The following HMCN1 variants were observed in gnomAD, a reference collection of about 807,000 sequenced individuals.
HMCN1 encodes hemicentin 1.
HMCN1 carries 321 observed loss-of-function variants against 625.9 expected under a neutral mutation model. The observed-to-expected ratio is 0.51, with a 90% CI of 0.47 to 0.56. The LOEUF is 0.56. Among genes scored for constraint, HMCN1 ranks in the 20% least tolerant of loss-of-function variants. HMCN1 has a pLI of 0.00. For synonymous variants in HMCN1, 2,425 were observed against 2,417.6 expected (o/e 1.00, Z -0.09); for missense variants, 6,588 against 6,887.3 (o/e 0.96, Z 1.54).
intron 38 of HMCN1, 146 bp from the exon 39 acceptor site, chr1:186,039,582 A>ATT: frequency 1.0e-5 from 8 of 791,786 alleles, no homozygotes; most frequent in Non-Finnish European, 1.3e-5. Context: ...TAGATCTTAA[A>ATT]TAAGAGAGAT....
In HMCN1 at chr1:186,114,919, C is replaced by T. The variant is rs147547755; in HGVS notation, c.11377C>T (p.Arg3793Cys). The change falls in exon 74 of 107, where the codon CGC (arginine) becomes TGC (cysteine). Residue 3793 changes from arginine to cysteine, a missense_variant. This residue lies in a region of HMCN1 where 4,628 missense variants were observed against 4,853.1 expected (regional missense o/e 0.95). Coordinates refer to ENST00000271588, the MANE Select transcript of HMCN1 (RefSeq NM_031935.3). ...GGCCACCAATGCTGCTGGAACAGAT[C>T]GCAGGCGAATAGATTTACAGGTCCA... is the stretch of plus-strand genomic sequence containing the variant. ...CMATNAAGTD[R>C]RRIDLQVHVP... The T allele has an allele frequency of 2.2e-5, 35 of 1,614,132 alleles. No individual in the cohort carries two copies. Among genetic ancestry groups the T allele is most frequent in the Admixed American group, 1.8e-4 (11 of 60,020 alleles).
chr1:186,002,577 C>T (rs1653269918), intron 28 of HMCN1, among the ~76,000 whole-genome samples: 1 of 152,068 alleles, frequency 6.6e-6, no homozygotes, highest in African/African-American at 2.4e-5. Context: ...TCATTGTTAT[C>T]ATGAGTCTTG....
At chr1:185,908,396 C>T (rs1231361622) in intron 4 of HMCN1, among the ~76,000 whole-genome samples, 3 of 151,886 alleles carry the variant, frequency 2.0e-5, no homozygotes, top group Admixed American at 1.3e-4. Flanking sequence ...GTGTCTTATG[C>T]CTCATTACAA....
intron 11 of HMCN1, among the ~76,000 whole-genome samples, chr1:185,946,211 C>T (rs1024095855): frequency 6.6e-6 from 1 of 152,154 alleles, no homozygotes. Context: ...ATAAATTTAT[C>T]TATCAACATA....
At chr1:186,067,191 T>A (rs1658174436) in intron 49 of HMCN1, among the ~76,000 whole-genome samples, 1 of 152,160 alleles carries the variant, frequency 6.6e-6, no homozygotes, top group African/African-American at 2.4e-5. Context: ...CATAATCAAG[T>A]CCTGTCAGTA....
At chr1:186,094,964 G>A (rs1457409830) in intron 67 of HMCN1, among the ~76,000 whole-genome samples, 1 of 152,070 alleles carries the variant, frequency 6.6e-6, no homozygotes, top group Non-Finnish European at 1.5e-5. Flanking sequence ...CAAGTTAAAG[G>A]GATAGAGTGA....
intron 1 of HMCN1, among the ~76,000 whole-genome samples, chr1:185,739,295 T>C (rs1653813338): frequency 6.6e-6 from 1 of 152,224 alleles, no homozygotes; most frequent in African/African-American, 2.4e-5. Flanking sequence ...TGATTCCATG[T>C]CTTTGCTGGT....
intron 97 of HMCN1, among the ~76,000 whole-genome samples, chr1:186,163,388 G>A (rs59888646): frequency 0.012 from 1,884 of 152,034 alleles, 29 homozygotes; most frequent in African/African-American, 0.043. Context: ...ACCCTGCTTC[G>A]GCTCACGCAC....
At chr1:185,803,205 C>CAAAAAAAAAAAAAAAAAACA (rs1658927622) in intron 1 of HMCN1, among the ~76,000 whole-genome samples, 13 of 58,722 alleles carry the variant, frequency 2.2e-4, no homozygotes, top group East Asian at 1.3e-3. Flanking sequence ...AAAAAAAAAG[C>CAAAAAAAAAAAAAAAAAACA]AAAAAAAAAA....
chr1:185,952,593 G>C (rs1649282910), intron 11 of HMCN1, among the ~76,000 whole-genome samples: 1 of 151,728 alleles, frequency 6.6e-6, no homozygotes, highest in Non-Finnish European at 1.5e-5. Flanking sequence ...TTGTAGGATG[G>C]AAAAATTTTA....
In HMCN1 at chr1:186,087,464, A is replaced by G. The variant is rs748058327; in HGVS notation, c.9182A>G (p.His3061Arg). ...TCAGTGCCCCCAAGCATTAAAGACC[A>G]TGACAGTGAATCTCTTTCTGTAGTT... Reference protein sequence around the residue: ...TVYVPPSIKDHDSESLSVVNV... With the variant: ...TVYVPPSIKDRDSESLSVVNV... Residue 3061 changes from histidine to arginine, a missense_variant, in exon 60 of 107, where the codon CAT (histidine) becomes CGT (arginine). His to Arg is a conservative substitution (Grantham distance 29). This residue lies in a region of HMCN1 where 4,628 missense variants were observed against 4,853.1 expected (regional missense o/e 0.95). Transcript: ENST00000271588. 62 of 1,613,096 alleles carry G rather than the reference A, an allele frequency of 3.8e-5. No individual in the cohort carries two copies. The highest frequency in any genetic ancestry group is 1.8e-4 in the South Asian group (16 of 91,068).
At chr1:186,077,269 T>C (rs1194227079) in intron 54 of HMCN1, among the ~76,000 whole-genome samples, 1 of 152,152 alleles carries the variant, frequency 6.6e-6, no homozygotes, top group Non-Finnish European at 1.5e-5. Flanking sequence ...ATAGGGTAAC[T>C]CTGTCTAATA....
At chr1:185,736,025 GAC>G (rs1162780256) in intron 1 of HMCN1, among the ~76,000 whole-genome samples, 1 of 152,164 alleles carries the variant, frequency 6.6e-6, no homozygotes, top group Non-Finnish European at 1.5e-5. Flanking sequence ...AGAAGAACTT[GAC>G]ACAACCTCTT....
chr1:186,143,107 G>T (rs1650075111), intron 89 of HMCN1, among the ~76,000 whole-genome samples: 2 of 152,160 alleles, frequency 1.3e-5, no homozygotes, highest in African/African-American at 4.8e-5. Flanking sequence ...AAATAGATTT[G>T]TGTGACTATG....
chr1:185,995,202 A>G, intron 24 of HMCN1, 115 bp downstream of exon 24: 1 of 946,784 alleles, frequency 1.1e-6, no homozygotes, highest in Non-Finnish European at 1.7e-6. Context: ...AGTTCTATAT[A>G]ACTTTTGTGA....
At chr1:186,065,837 C>T (rs1658074637) in intron 49 of HMCN1, among the ~76,000 whole-genome samples, 2 of 152,046 alleles carry the variant, frequency 1.3e-5, no homozygotes, top group East Asian at 1.9e-4. Context: ...AAATACCTGT[C>T]TGTTGGTATG....
At chr1:185,971,949 C>A (rs1352323153) in intron 15 of HMCN1, among the ~76,000 whole-genome samples, 4 of 152,118 alleles carry the variant, frequency 2.6e-5, no homozygotes, top group Non-Finnish European at 2.9e-5. Flanking sequence ...AAGATTGGAA[C>A]CTCTGGGTGG....
chr1:185,796,860 C>G (rs1210470869), intron 1 of HMCN1, among the ~76,000 whole-genome samples: 2 of 152,136 alleles, frequency 1.3e-5, no homozygotes, highest in African/African-American at 4.8e-5. Context: ...GGAAGGTACG[C>G]AGAAGTGGGA....
Position 186,040,940 on chromosome 1 carries a change from A to G in HMCN1, c.6181-73A>G, listed in dbSNP as rs1656160088. On this transcript the variant is annotated intron_variant, in intron 39 of 106. Coordinates refer to ENST00000271588, the MANE Select transcript of HMCN1 (RefSeq NM_031935.3). Reference sequence around the variant, plus strand: ...ATGTCAACTGATAAGCCTCAAAAAAATAAGAGAAAAAATCTATTACACCTA... The same window carrying G: ...ATGTCAACTGATAAGCCTCAAAAAAGTAAGAGAAAAAATCTATTACACCTA... 5 of 1,553,152 alleles carry G rather than the reference A, an allele frequency of 3.2e-6. No homozygotes were observed. The African/African-American group carries it at 5.4e-5, about 17-fold the overall frequency.
Sources: allele counts gnomAD v4.1 joint callset (sites outside exome capture counted in the v4.1 genomes callset), GRCh38; gene constraint gnomAD v4.1.1; regional missense constraint gnomAD v4.1.1; transcripts MANE v1.5; gene names NCBI Gene and HGNC (gene_info 2026-07-23, HGNC 2026-07-21).